The following TCF7L2 variants were observed in gnomAD, a reference collection of about 807,000 sequenced individuals.
TCF7L2 encodes transcription factor 7-like 2.
Under a neutral mutation model 77.9 loss-of-function variants are expected in TCF7L2, and 23 were observed. The observed-to-expected ratio is 0.30, with a 90% CI of 0.21 to 0.42. The LOEUF is 0.42. Ranked by LOEUF, TCF7L2 falls within the 10% of genes least tolerant of loss-of-function variation. The pLI is 1.00. For synonymous variants in TCF7L2, 413 were observed against 340.2 expected (o/e 1.21, Z -2.36); for missense variants, 654 against 793.1 (o/e 0.82, Z 2.11).
Position 112,952,009 on chromosome 10 carries a change from T to C in TCF7L2, c.381+402T>C, listed in dbSNP as rs78171030. On this transcript the variant is annotated intron_variant, in intron 3 of 13. Coordinates refer to ENST00000627217, the MANE Select transcript of TCF7L2 (RefSeq NM_001146274.2). Reference sequence around the variant, plus strand: ...TCTGTGGCTCTTCCTTTGCTCTCTCTCCCTCTCTCTCCTTCTCTTCCTTCC... The same window carrying C: ...TCTGTGGCTCTTCCTTTGCTCTCTCCCCCTCTCTCTCCTTCTCTTCCTTCC... 685 of 152,630 alleles carry C rather than the reference T, an allele frequency of 4.5e-3. 11 individuals carry two copies. The East Asian group carries it at 0.048, about 11-fold the overall frequency. 9.5% of individuals were successfully genotyped at this position (152,630 alleles called of 1,614,324 possible).
intron 5 of TCF7L2, among the ~76,000 whole-genome samples, chr10:113,056,427 G>C (rs180675543): frequency 6.6e-6 from 1 of 152,278 alleles, no homozygotes; most frequent in East Asian, 1.9e-4. Flanking sequence ...AAGAGCTTGA[G>C]ACTCAATAAT....
intron 5 of TCF7L2, among the ~76,000 whole-genome samples, chr10:113,098,285 C>T (rs1024269349): frequency 7.2e-5 from 11 of 152,190 alleles, no homozygotes; most frequent in South Asian, 4.1e-4. Context: ...TGGGGCTTTC[C>T]GCACTGGGAT....
chr10:112,995,265 C>T (rs1404438835), intron 4 of TCF7L2, among the ~76,000 whole-genome samples: 1 of 152,152 alleles, frequency 6.6e-6, no homozygotes, highest in Non-Finnish European at 1.5e-5. Context: ...TGAAGAATCT[C>T]CCAGTAGGCA....
chr10:113,070,980 T>C (rs985063336), intron 5 of TCF7L2, among the ~76,000 whole-genome samples: 1 of 152,158 alleles, frequency 6.6e-6, no homozygotes, highest in Non-Finnish European at 1.5e-5. Flanking sequence ...AACTAATATA[T>C]TTTCTGCATC....
At chr10:113,037,597 T>C (rs905698122) in intron 4 of TCF7L2, among the ~76,000 whole-genome samples, 1 of 152,190 alleles carries the variant, frequency 6.6e-6, no homozygotes, top group Non-Finnish European at 1.5e-5. Flanking sequence ...AGCTTTTATG[T>C]AAAGTAAGAA....
chr10:112,966,206 ATATATTTTC>A (rs1223910758), intron 4 of TCF7L2, among the ~76,000 whole-genome samples: 1 of 139,678 alleles, frequency 7.2e-6, no homozygotes, highest in Non-Finnish European at 1.5e-5. Flanking sequence ...ATATATATAT[ATATATTTTC>A]TTTTCTTGAT....
chr10:113,049,490 C>T (rs2054033923), intron 5 of TCF7L2, among the ~76,000 whole-genome samples: 1 of 152,078 alleles, frequency 6.6e-6, no homozygotes, highest in Admixed American at 6.5e-5. Context: ...GTGGCATCCA[C>T]CGCTTATCAC....
intron 13 of TCF7L2, chr10:113,161,278 T>A (rs753737553): frequency 2.3e-6 from 1 of 442,554 alleles, no homozygotes; most frequent in Admixed American, 3.8e-5. Flanking sequence ...ATGCACCAGC[T>A]AAAGGGCTGC....
rs947617535 is a variant in TCF7L2 at position 113,151,313 on chromosome 10, A to G, written c.1001+190A>G. On this transcript the variant is annotated intron_variant, in intron 9 of 13. Transcript: ENST00000627217. The surrounding 1 kb of genome is among the most constrained non-coding windows in gnomAD (Gnocchi z 5.2). ...GTGCACAGTGGCAGAATCTCACTGT[A>G]CCACCGTGGGTTAGAACAGAACTGT... 6.6e-6 allele frequency among the ~76,000 whole-genome samples: 1 copy of G among 152,080 alleles called. No individual in the cohort carries two copies. The highest frequency in any genetic ancestry group is 1.5e-5 in the Non-Finnish European group (1 of 68,004).
At chr10:113,002,228 G>A (rs2044616451) in intron 4 of TCF7L2, among the ~76,000 whole-genome samples, 1 of 152,166 alleles carries the variant, frequency 6.6e-6, no homozygotes, top group Admixed American at 6.5e-5. Context: ...GCTGGTCCTT[G>A]AGCCTGTTGT....
At chr10:113,013,114 G>GT (rs35964949) in intron 4 of TCF7L2, among the ~76,000 whole-genome samples, 1,251 of 109,866 alleles carry the variant, frequency 0.011, 15 homozygotes, top group Middle Eastern at 0.022. Flanking sequence ...TAAGCAAGTG[G>GT]TTTTTTTTTT....
intron 4 of TCF7L2, among the ~76,000 whole-genome samples, chr10:113,016,869 C>A (rs749953346): frequency 6.6e-6 from 1 of 152,146 alleles, no homozygotes; most frequent in African/African-American, 2.4e-5. Flanking sequence ...GCATCCCACG[C>A]GGGAGCACTC....
chr10:113,047,506 G>C (rs1357088321), intron 5 of TCF7L2, among the ~76,000 whole-genome samples: 2 of 152,170 alleles, frequency 1.3e-5, no homozygotes, highest in Admixed American at 1.3e-4. Context: ...TTCAAGGTCA[G>C]ATGTTTATTT....
rs1356887529 is a variant in TCF7L2, at chr10:113,167,500, G to A, written c.*1528G>A. 4.5e-6 allele frequency: 1 copy of A among 219,850 alleles called. No individual in the cohort carries two copies. Among genetic ancestry groups the A allele is most frequent in the Non-Finnish European group, 9.1e-6 (1 of 109,802 alleles). The allele number at this position is 219,850 out of a possible 1,614,324, so 13.6% of individuals were successfully genotyped here. ...TAAAATGCTAACTATAACATTTTTT[G>A]TGAATACTTTGAATGTTTCCTAACA... is the stretch of plus-strand genomic sequence containing the variant. On this transcript the variant is annotated 3_prime_UTR_variant, in exon 14 of 14. Transcript: ENST00000627217.
In TCF7L2 at chr10:113,009,156, C is replaced by A. The variant is rs749528694; in HGVS notation, c.451-30869C>A. On this transcript the variant is annotated intron_variant, in intron 4 of 13. Transcript: ENST00000627217. The stretch of plus-strand genomic sequence containing the variant: ...TCACTATATTGCCCATGCCGGAAGT[C>A]TAGTTTTATAGTGATGAGAATTCAT... Among the ~76,000 whole-genome samples the A allele has an allele frequency of 2.0e-5, 3 of 152,076 alleles. No homozygotes were observed. In the East Asian group the frequency reaches 5.8e-4, roughly 29 times the overall value.
intron 5 of TCF7L2, among the ~76,000 whole-genome samples, chr10:113,108,081 C>T (rs899214730): frequency 6.6e-6 from 1 of 152,124 alleles, no homozygotes; most frequent in Non-Finnish European, 1.5e-5. Flanking sequence ...CCCCTTTGCC[C>T]CCATACTTCC....
intron 5 of TCF7L2, among the ~76,000 whole-genome samples, chr10:113,131,342 G>C (rs778248192): frequency 6.6e-6 from 1 of 152,166 alleles, no homozygotes; most frequent in Admixed American, 6.5e-5. Flanking sequence ...AATGATGGGT[G>C]TAAATCTTGG....
intron 5 of TCF7L2, among the ~76,000 whole-genome samples, chr10:113,117,748 A>G (rs1193741144): frequency 8.2e-6 from 1 of 121,538 alleles, no homozygotes; most frequent in Non-Finnish European, 2.0e-5. Context: ...GACATTGAAG[A>G]AAAGACAAGG....
chr10:113,066,814 G>A (rs1030770849), intron 5 of TCF7L2, among the ~76,000 whole-genome samples: 4 of 152,286 alleles, frequency 2.6e-5, no homozygotes, highest in South Asian at 2.1e-4. Flanking sequence ...GAGAGTTGCC[G>A]GTATTGACAG....
Sources: allele counts gnomAD v4.1 joint callset (sites outside exome capture counted in the v4.1 genomes callset), GRCh38; gene constraint gnomAD v4.1.1; non-coding constraint Gnocchi (gnomAD v3.1); transcripts MANE v1.5; gene names NCBI Gene and HGNC (gene_info 2026-07-23, HGNC 2026-07-21).